Variants in SASH1 observed in about 807,000 individuals in gnomAD.
SASH1 encodes the protein SAM and SH3 domain containing 1.
Under a neutral mutation model 125.2 loss-of-function variants are expected in SASH1, and 44 were observed. The ratio of observed to expected loss-of-function variants is 0.35; its 90% CI spans 0.28 to 0.45. The LOEUF (loss-of-function observed/expected upper bound fraction) is 0.45, where lower values mean the gene tolerates loss of function less well. Among genes scored for constraint, SASH1 ranks in the 20% least tolerant of loss-of-function variants. The probability of loss-of-function intolerance (pLI) is 1.00; values close to 1 mark genes in which losing one functional copy is unlikely to be tolerated. For synonymous variants in SASH1, 639 were observed against 649.1 expected (o/e 0.98, Z 0.24); for missense variants, 1,426 against 1,614.5 (o/e 0.88, Z 2.00).
At chr6:148,506,564 A>G (rs1414834792) in intron 8 of SASH1, among the ~76,000 whole-genome samples, 1 of 152,202 alleles carries the variant, frequency 6.6e-6, no homozygotes, top group Non-Finnish European at 1.5e-5. Flanking sequence ...TATTTAATAC[A>G]ACCACAACGT....
chr6:148,421,146 G>GAAGGAAGGAAGAAAGAAAGAA (rs1554254949), intron 2 of SASH1, among the ~76,000 whole-genome samples: 4 of 71,194 alleles, frequency 5.6e-5, no homozygotes, highest in Non-Finnish European at 6.2e-5. Context: ...AGGAAGGAAG[G>GAAGGAAGGAAGAAAGAAAGAA]AAGAAAGAAA....
chr6:148,326,414 C>CTTTTCTTTT (rs57839850), intron 1 of SASH1, among the ~76,000 whole-genome samples: 8 of 84,060 alleles, frequency 9.5e-5, no homozygotes, highest in East Asian at 4.0e-4. Flanking sequence ...CTTTTCTTTT[C>CTTTTCTTTT]TTTTTTTTGA....
At chr6:148,368,745 C>T (rs546099449) in intron 1 of SASH1, among the ~76,000 whole-genome samples, 1 of 149,466 alleles carries the variant, frequency 6.7e-6, no homozygotes, top group South Asian at 2.1e-4. Context: ...CTTCCAACCT[C>T]CCCCACATGC....
At chr6:148,414,858 G>T (rs1784761228) in intron 2 of SASH1, among the ~76,000 whole-genome samples, 1 of 152,006 alleles carries the variant, frequency 6.6e-6, no homozygotes, top group Admixed American at 6.6e-5. Context: ...TGGCCAGGCT[G>T]GTCTTGAACT....
chr6:148,214,030 C>G, the SASH1 span, among the ~76,000 whole-genome samples: 2 of 152,138 alleles, frequency 1.3e-5, no homozygotes, highest in Admixed American at 1.3e-4. Context: ...TTAGCCAACA[C>G]AGAAAACAGC....
the SASH1 span, among the ~76,000 whole-genome samples, chr6:148,195,982 A>G: frequency 2.7e-5 from 4 of 150,890 alleles, no homozygotes; most frequent in Non-Finnish European, 1.5e-5. Flanking sequence ...TAGAGATTTA[A>G]TAACAGGCTT....
chr6:148,487,762 G>A (rs1778943313), intron 8 of SASH1, 47 bp downstream of exon 8: 1 of 1,328,422 alleles, frequency 7.5e-7, no homozygotes, highest in Admixed American at 1.7e-5. Context: ...CGCCGATAAG[G>A]GACAGTCTTC....
chr6:148,431,692 G>A (rs949018821), intron 2 of SASH1, among the ~76,000 whole-genome samples: 6 of 151,598 alleles, frequency 4.0e-5, no homozygotes, highest in South Asian at 2.1e-4. Context: ...CTAGTGGGAC[G>A]GCTGGTTCGT....
intron 1 of SASH1, among the ~76,000 whole-genome samples, chr6:148,309,146 C>T (rs1192624010): frequency 6.7e-6 from 1 of 149,432 alleles, no homozygotes; most frequent in Non-Finnish European, 1.5e-5. Flanking sequence ...TGGCTTGGTG[C>T]TTGTAGTTAT....
chr6:148,394,367 C>T (rs1783859788), intron 2 of SASH1, among the ~76,000 whole-genome samples: 1 of 152,198 alleles, frequency 6.6e-6, no homozygotes, highest in African/African-American at 2.4e-5. Context: ...GGCTATGATA[C>T]AACACTGTTA....
intron 1 of SASH1, among the ~76,000 whole-genome samples, chr6:148,387,905 A>ATTTTTTTT (rs71004291): frequency 3.7e-5 from 2 of 53,964 alleles, no homozygotes; most frequent in East Asian, 5.1e-4. Flanking sequence ...CGCCCTGCTA[A>ATTTTTTTT]TTTTTTTTTT....
At chr6:148,259,795 G>A in the SASH1 span, among the ~76,000 whole-genome samples, 8 of 152,186 alleles carry the variant, frequency 5.3e-5, no homozygotes, top group African/African-American at 1.7e-4. Context: ...GAGTACTTCT[G>A]TTGGGATCAT....
intron 1 of SASH1, among the ~76,000 whole-genome samples, chr6:148,381,924 A>G (rs956193299): frequency 1.3e-5 from 2 of 152,140 alleles, no homozygotes; most frequent in Admixed American, 1.3e-4. Context: ...GGTGTGAGCC[A>G]CTGTGCCCAG....
intron 1 of SASH1, among the ~76,000 whole-genome samples, chr6:148,308,319 A>T (rs1780199105): frequency 6.7e-6 from 1 of 150,294 alleles, no homozygotes; most frequent in South Asian, 2.2e-4. Flanking sequence ...ACGGCATTTT[A>T]AAGAACTTGC....
chr6:148,526,710 T>C (rs1431989136), intron 11 of SASH1, among the ~76,000 whole-genome samples: 1 of 152,146 alleles, frequency 6.6e-6, no homozygotes, highest in Non-Finnish European at 1.5e-5. Context: ...ATTTACACAC[T>C]GAGTGCTATG....
At chr6:148,514,277 G>A (rs1780309115) in intron 8 of SASH1, 47 bp from the exon 9 acceptor site, 2 of 1,586,440 alleles carry the variant, frequency 1.3e-6, no homozygotes, top group South Asian at 1.2e-5. Context: ...CACGGGCAAA[G>A]CTCGGAGCAA....
Position 148,499,591 on chromosome 6 carries a change from A to G in SASH1, c.729+11876A>G, listed in dbSNP as rs187383733. Among the ~76,000 whole-genome samples, 9 of 152,258 alleles carry G rather than the reference A, an allele frequency of 5.9e-5. No homozygotes were observed. The East Asian group carries it at 1.7e-3, about 29-fold the overall frequency. On this transcript the variant is annotated intron_variant, in intron 8 of 19. Transcript: ENST00000367467. The stretch of plus-strand genomic sequence containing the variant: ...TTCCTGCCTATTGTGATAGGTGCAC[A>G]CAGAAAGTCCAGCAAGCCCCAGCAA...
At chr6:148,466,568 C>G (rs1427218880) in intron 4 of SASH1, among the ~76,000 whole-genome samples, 1 of 152,162 alleles carries the variant, frequency 6.6e-6, no homozygotes, top group African/African-American at 2.4e-5. Context: ...TTCAATTCTT[C>G]TTCCTCTGAA....
chr6:148,282,399 T>C (rs1456496033), intron 1 of SASH1, among the ~76,000 whole-genome samples: 1 of 152,140 alleles, frequency 6.6e-6, no homozygotes, highest in Non-Finnish European at 1.5e-5. Context: ...TTTTCTTTTT[T>C]GAGATGGAGT....
Sources: gnomAD v4.1 joint callset for allele counts (sites outside exome capture counted in the v4.1 genomes callset) on GRCh38, gnomAD v4.1.1 for gene constraint, MANE v1.5 for transcripts, NCBI Gene and HGNC (gene_info 2026-07-23, HGNC 2026-07-21) for gene names.